The following SEC14L6 variants were observed in gnomAD, a reference collection of about 807,000 sequenced individuals.
SEC14L6 encodes the protein SEC14 like lipid binding 6, also known as SEC14-like protein 6.
Under a neutral mutation model 54.1 loss-of-function variants are expected in SEC14L6, and 40 were observed. That is an observed-to-expected ratio of 0.74 (90% CI 0.57 to 0.96). The LOEUF is 0.96. Among genes scored for constraint, SEC14L6 ranks in the 40% least tolerant of loss-of-function variants. The pLI, the probability that SEC14L6 is intolerant of heterozygous loss-of-function variation, is 0.00. For synonymous variants in SEC14L6, 171 were observed against 198.4 expected, an observed-to-expected ratio of 0.86 and a Z score of 1.16; for missense variants, 471 against 498.3, an observed-to-expected ratio of 0.95 and a Z score of 0.52.
chr22:30,528,185 C>T (rs1244626239), intron 8 of SEC14L6, among the ~76,000 whole-genome samples: 7 of 147,080 alleles, frequency 4.8e-5, no homozygotes, highest in East Asian at 4.0e-4. Context: ...TGCACTGGCG[C>T]GATCTCAGCT....
intron 2 of SEC14L6, among the ~76,000 whole-genome samples, chr22:30,536,215 A>T (rs2085597818): frequency 6.6e-6 from 1 of 152,164 alleles, no homozygotes. Flanking sequence ...TTGCCATCAC[A>T]GGTTTTACAA....
At chr22:30,540,627 A>C (rs1300691107) in intron 1 of SEC14L6, among the ~76,000 whole-genome samples, 1 of 151,570 alleles carries the variant, frequency 6.6e-6, no homozygotes, top group Non-Finnish European at 1.5e-5. Context: ...GTGGTGGGAG[A>C]ATCGCTTGAA....
At chr22:30,533,964 C>T (rs1362161022) in intron 3 of SEC14L6, 32 bp downstream of exon 3, 2 of 1,546,444 alleles carry the variant, frequency 1.3e-6, no homozygotes, top group Non-Finnish European at 1.7e-6. Flanking sequence ...GGAAACAGGA[C>T]CAGGCTAGGC....
At chr22:30,526,704 G>T (rs1936792641) in intron 8 of SEC14L6, among the ~76,000 whole-genome samples, 1 of 151,954 alleles carries the variant, frequency 6.6e-6, no homozygotes, top group Admixed American at 6.6e-5. Context: ...ACTCCAGCCT[G>T]GGCAACAGAG....
chr22:30,538,468 G>T (rs1382566292), intron 2 of SEC14L6, among the ~76,000 whole-genome samples: 1 of 152,168 alleles, frequency 6.6e-6, no homozygotes, highest in Non-Finnish European at 1.5e-5. Context: ...CAACTGCCAT[G>T]TTGTGAGGAT....
chr22:30,526,541 C>A (rs1188848230), intron 8 of SEC14L6, among the ~76,000 whole-genome samples: 1 of 152,060 alleles, frequency 6.6e-6, no homozygotes, highest in African/African-American at 2.4e-5. Flanking sequence ...GTGGAAAAAT[C>A]AAAGGAAAAG....
chr22:30,539,390 C>G (rs1051056848), intron 1 of SEC14L6, among the ~76,000 whole-genome samples: 2 of 152,074 alleles, frequency 1.3e-5, no homozygotes, highest in Non-Finnish European at 2.9e-5. Flanking sequence ...AAAAAAAGAA[C>G]CTACTACACT....
At chr22:30,543,941 C>A (rs2085769541) in intron 1 of SEC14L6, 7 of 1,606,010 alleles carry the variant, frequency 4.4e-6, no homozygotes, top group African/African-American at 1.3e-5. Context: ...AGCATTCAGA[C>A]CAGCCTGCAG....
intron 3 of SEC14L6, among the ~76,000 whole-genome samples, chr22:30,533,593 T>C (rs1025592173): frequency 2.3e-5 from 2 of 86,926 alleles, no homozygotes; most frequent in Admixed American, 2.5e-4. Flanking sequence ...AGAGCAAGAC[T>C]GTCTCAAAAA....
chr22:30,529,099 C>T lies in SEC14L6; in HGVS notation c.652G>A (p.Val218Met), dbSNP rs766210708. The T allele has an allele frequency of 1.3e-6, 2 of 1,551,048 alleles. No individual in the cohort carries two copies. The highest frequency in any genetic ancestry group is 2.0e-5 in the Admixed American group (1 of 51,002). The change falls in exon 8 of 12, where the codon GTG (valine) becomes ATG (methionine). Residue 218 changes from valine to methionine, a missense_variant. Physicochemically the swap from Val to Met is conservative, Grantham distance 21. Coordinates refer to ENST00000402034, the MANE Select transcript of SEC14L6 (RefSeq NM_001193336.4). ...AGGGCTCACTCACCTCCGAGAATCA[C>T]CACCTTCCTGCGTGTCTCTTCACTC... ...YMSEETRRKVVILGDNWKQEL... is the reference protein window; with the variant it reads ...YMSEETRRKVMILGDNWKQEL...
intron 1 of SEC14L6, 44 bp from the exon 2 acceptor site, chr22:30,538,946 C>G (rs1024964027): frequency 7.3e-7 from 1 of 1,378,404 alleles, no homozygotes; most frequent in Non-Finnish European, 1.0e-6. Flanking sequence ...GCCAACCACC[C>G]TCGGTCCTGC....
chr22:30,542,736 C>T (rs2085746215), intron 1 of SEC14L6: 1 of 1,573,342 alleles, frequency 6.4e-7, no homozygotes, highest in Non-Finnish European at 8.7e-7. Context: ...CTCTGCAGTG[C>T]ACTGTGACCT....
chr22:30,536,589 C>G (rs147972151), intron 2 of SEC14L6, among the ~76,000 whole-genome samples: 1 of 152,214 alleles, frequency 6.6e-6, no homozygotes, highest in African/African-American at 2.4e-5. Flanking sequence ...CTGACTTTGT[C>G]ACCTGCTAGC....
chr22:30,546,355 C>G (rs2085797517), intron 1 of SEC14L6, among the ~76,000 whole-genome samples: 1 of 145,684 alleles, frequency 6.9e-6, no homozygotes, highest in Non-Finnish European at 1.5e-5. Flanking sequence ...TGTACTCCAA[C>G]CTGGGCAACA....
rs1435683843 is a variant in SEC14L6 at position 30,523,859 on chromosome 22, CT to C, written c.*1137del. The C allele has an allele frequency of 2.0e-4, 31 of 152,322 alleles. No homozygotes were observed. The highest frequency in any genetic ancestry group is 7.5e-4 in the African/African-American group (31 of 41,574). The allele number at this position is 152,322 out of a possible 1,614,324, so 9.4% of individuals were successfully genotyped here. On this transcript the variant is annotated 3_prime_UTR_variant, in exon 12 of 12. Transcript: ENST00000402034. Reference sequence around the variant, plus strand: ...TGTTAGGGAACTATTTGAACCATGTCTTTTATTTTCTGCATGCTTTAACATC... The same window carrying C: ...TGTTAGGGAACTATTTGAACCATGTCTTTATTTTCTGCATGCTTTAACATC...
At chr22:30,543,953 C>A (rs1389138932) in intron 1 of SEC14L6, 2 of 1,606,254 alleles carry the variant, frequency 1.2e-6, no homozygotes, top group Admixed American at 1.7e-5. Flanking sequence ...AGCCTGCAGC[C>A]TGCGTCGGAG....
chr22:30,525,988 A>G (rs1365396945), intron 8 of SEC14L6, 56 bp from the exon 9 acceptor site: 1 of 1,549,164 alleles, frequency 6.5e-7, no homozygotes, highest in African/African-American at 1.4e-5. Context: ...AACAGAGGGC[A>G]GAGGGGGCTG....
chr22:30,544,868 CTG>C (rs1252524439), intron 1 of SEC14L6, among the ~76,000 whole-genome samples: 1 of 152,172 alleles, frequency 6.6e-6, no homozygotes, highest in Non-Finnish European at 1.5e-5. Flanking sequence ...AATCTTGAAA[CTG>C]AGGTGTTAGA....
intron 1 of SEC14L6, chr22:30,544,211 C>G (rs1337355076): frequency 6.2e-6 from 4 of 648,108 alleles, no homozygotes; most frequent in Non-Finnish European, 1.0e-5. Flanking sequence ...GACCCAGGGG[C>G]CAGGGTGGCT....
Sources: gnomAD v4.1 joint callset for allele counts (sites outside exome capture counted in the v4.1 genomes callset) on GRCh38, gnomAD v4.1.1 for gene constraint, MANE v1.5 for transcripts, NCBI Gene and HGNC (gene_info 2026-07-23, HGNC 2026-07-21) for gene names.